AFF3: variants seen among roughly 807,000 people sequenced by gnomAD.
AFF3 encodes the protein ALF transcription elongation factor 3.
Under a neutral mutation model 129.7 loss-of-function variants are expected in AFF3, and 32 were observed. That is an observed-to-expected ratio of 0.25 (90% CI 0.19 to 0.33). AFF3 has a LOEUF of 0.33. Among genes scored for constraint, AFF3 ranks in the 10% least tolerant of loss-of-function variants. The probability of loss-of-function intolerance (pLI) is 1.00; values close to 1 mark genes in which losing one functional copy is unlikely to be tolerated. For synonymous variants in AFF3, 644 were observed against 635.4 expected, an observed-to-expected ratio of 1.01 and a Z score of -0.20; for missense variants, 1,373 against 1,592.0, an observed-to-expected ratio of 0.86 and a Z score of 2.34.
At position 99,547,244 on chromosome 2, in the gene AFF3, C is replaced by T. The variant is rs1674104120; in HGVS notation, c.*4230G>A. On this transcript the variant is annotated 3_prime_UTR_variant, in exon 25 of 25. Coordinates refer to ENST00000672756, the MANE Select transcript of AFF3 (RefSeq NM_001386135.1). ...TGGATGTCTTTTACGTACAACTCAA[C>T]TTCTCTCATTTACAACATAAATCAT... 1 of 216,318 alleles carries T rather than the reference C, an allele frequency of 4.6e-6. No homozygotes were observed. Among genetic ancestry groups the T allele is most frequent in the African/African-American group, 2.2e-5 (1 of 44,464 alleles). 13.4% of individuals were successfully genotyped at this position (216,318 alleles called of 1,614,324 possible).
chr2:99,897,287 C>T (rs1327029050), intron 7 of AFF3, among the ~76,000 whole-genome samples: 1 of 152,144 alleles, frequency 6.6e-6, no homozygotes, highest in African/African-American at 2.4e-5. Context: ...AGCATATATA[C>T]TTTGAAATTT....
chr2:99,732,800 T>C (rs1338364624), intron 10 of AFF3, among the ~76,000 whole-genome samples: 1 of 151,984 alleles, frequency 6.6e-6, no homozygotes, highest in African/African-American at 2.4e-5. Context: ...AAATTAACAC[T>C]CCCCAGACAG....
At chr2:99,978,599 G>T (rs1679103137) in intron 7 of AFF3, among the ~76,000 whole-genome samples, 1 of 152,108 alleles carries the variant, frequency 6.6e-6, no homozygotes, top group Non-Finnish European at 1.5e-5. Flanking sequence ...GGGAAGAGAT[G>T]AACAACCACT....
intron 8 of AFF3, among the ~76,000 whole-genome samples, chr2:99,772,668 C>T (rs937514555): frequency 6.6e-6 from 1 of 152,130 alleles, no homozygotes. Context: ...AAGCCTAGCA[C>T]CACTTTTATT....
At chr2:100,092,427 A>G (rs528373892) in intron 4 of AFF3, among the ~76,000 whole-genome samples, 2 of 152,164 alleles carry the variant, frequency 1.3e-5, no homozygotes, top group Admixed American at 6.5e-5. Flanking sequence ...TCTCACAACC[A>G]CCAGACTCAT....
At chr2:100,033,084 T>C (rs1396762304) in intron 4 of AFF3, among the ~76,000 whole-genome samples, 3 of 152,138 alleles carry the variant, frequency 2.0e-5, no homozygotes, top group Non-Finnish European at 4.4e-5. Flanking sequence ...TGGAAACTAG[T>C]TTGGGAGCAA....
intron 7 of AFF3, among the ~76,000 whole-genome samples, chr2:99,874,487 G>A (rs1443141349): frequency 1.3e-5 from 2 of 152,152 alleles, no homozygotes; most frequent in Non-Finnish European, 1.5e-5. Flanking sequence ...TTTAGTCAAC[G>A]AGACAGGGAA....
chr2:100,060,682 T>A (rs1471250847), intron 4 of AFF3, among the ~76,000 whole-genome samples: 1 of 152,208 alleles, frequency 6.6e-6, no homozygotes, highest in Non-Finnish European at 1.5e-5. Context: ...CAGAGAACCC[T>A]TGTATACCCC....
Position 99,740,796 on chromosome 2 carries a change from T to G in AFF3, c.1039+3308A>C, listed in dbSNP as rs985008283. Among the ~76,000 whole-genome samples the G allele has an allele frequency of 6.6e-5, 10 of 152,042 alleles. No homozygotes were observed. The Middle Eastern group carries it at 9.5e-3, about 144-fold the overall frequency. The stretch of plus-strand genomic sequence containing the variant: ...TCACTCTGATGGTAGTTTCTTTTGC[T>G]GTGCAGAAGCTCTTTAGTTTAATTA... On this transcript the variant is annotated intron_variant, in intron 10 of 24. Transcript: ENST00000672756.
chr2:99,601,721 G>C, intron 13 of AFF3, 100 bp from the exon 14 acceptor site: 1 of 1,376,304 alleles, frequency 7.3e-7, no homozygotes, highest in Non-Finnish European at 9.8e-7. Flanking sequence ...AGAGGGAGGA[G>C]GCACGCAGCC....
chr2:99,567,632 TGTGA>T (rs1301400135), intron 19 of AFF3, among the ~76,000 whole-genome samples: 1 of 151,706 alleles, frequency 6.6e-6, no homozygotes, highest in Non-Finnish European at 1.5e-5. Context: ...ATGCTGAGGG[TGTGA>T]GTGTGCCCAT....
rs1409761480 is a variant in AFF3 at position 99,593,256 on chromosome 2, G to A, written c.2405C>T (p.Pro802Leu). 1.2e-6 allele frequency: 2 copies of A among 1,612,212 alleles called. No individual in the cohort carries two copies. The highest frequency in any genetic ancestry group is 2.7e-5 in the African/African-American group (2 of 74,836). The change falls in exon 15 of 25, where the codon CCC (proline) becomes CTC (leucine). Residue 802 changes from proline (P) to leucine (L), a missense_variant. Pro to Leu is a moderately conservative substitution (Grantham distance 98). Around this residue, in one of 9 missense-constraint regions of AFF3, gnomAD observed 466 missense variants for 505.0 expected, o/e 0.92. Coordinates refer to ENST00000672756, the MANE Select transcript of AFF3 (RefSeq NM_001386135.1). ...PATKDSESAP[P>L]SHTSDTPAEK... Reference sequence around the variant, plus strand: ...TGCAGGTGTGTCCGAGGTGTGGCTGGGCGGTGCGCTCTCAGAGTCCTTGGT... The same window carrying A: ...TGCAGGTGTGTCCGAGGTGTGGCTGAGCGGTGCGCTCTCAGAGTCCTTGGT...
chr2:99,963,547 G>T (rs1677434637), intron 7 of AFF3, among the ~76,000 whole-genome samples: 1 of 151,986 alleles, frequency 6.6e-6, no homozygotes, highest in African/African-American at 2.4e-5. Context: ...CACTGATAGT[G>T]GCTGTGATAT....
At chr2:100,126,116 A>G (rs1692178386) in intron 2 of AFF3, among the ~76,000 whole-genome samples, 1 of 152,198 alleles carries the variant, frequency 6.6e-6, no homozygotes, top group Non-Finnish European at 1.5e-5. Context: ...TCTCACACCC[A>G]TCCTGTGCTT....
chr2:99,579,760 A>G (rs530897858), intron 17 of AFF3, among the ~76,000 whole-genome samples: 1 of 147,606 alleles, frequency 6.8e-6, no homozygotes. Context: ...ATATATATAT[A>G]TGGAACACAC....
chr2:99,845,590 C>T (rs1451018718), intron 7 of AFF3, among the ~76,000 whole-genome samples: 1 of 152,098 alleles, frequency 6.6e-6, no homozygotes, highest in Non-Finnish European at 1.5e-5. Context: ...GTGAAGAAAC[C>T]ATGTTACAGG....
At chr2:100,022,439 C>T (rs1175186155) in intron 4 of AFF3, among the ~76,000 whole-genome samples, 1 of 152,012 alleles carries the variant, frequency 6.6e-6, no homozygotes, top group African/African-American at 2.4e-5. Context: ...GAGACAGAGT[C>T]TCACTCTATC....
chr2:99,954,091 TG>T (rs746179296), intron 7 of AFF3, among the ~76,000 whole-genome samples: 264 of 152,342 alleles, frequency 1.7e-3, no homozygotes, highest in Non-Finnish European at 2.5e-3. Context: ...TGGAGTGATA[TG>T]GATCCTTTAC....
chr2:99,924,054 A>G (rs1696052415), intron 7 of AFF3, among the ~76,000 whole-genome samples: 1 of 152,056 alleles, frequency 6.6e-6, no homozygotes, highest in African/African-American at 2.4e-5. Flanking sequence ...CCTGCTAGAT[A>G]TGACCCTCAA....
Sources: gnomAD v4.1 joint callset for allele counts (sites outside exome capture counted in the v4.1 genomes callset) on GRCh38, gnomAD v4.1.1 for gene constraint, gnomAD v4.1.1 regional missense constraint, MANE v1.5 for transcripts, NCBI Gene and HGNC (gene_info 2026-07-23, HGNC 2026-07-21) for gene names.